Variants in MGAT4D observed in about 807,000 individuals in gnomAD.
MGAT4D encodes the protein MGAT4 family member D, also known as alpha-1,3-mannosyl-glycoprotein 4-beta-N-acetylglucosaminyltransferase-like protein MGAT4D.
Under a neutral mutation model 15.9 loss-of-function variants are expected in MGAT4D, and 34 were observed. The ratio of observed to expected loss-of-function variants is 2.14; its 90% CI spans 1.62 to 2.84. MGAT4D has a LOEUF of 2.84. Ranked by LOEUF, MGAT4D falls within the 30% of genes most tolerant of loss-of-function variation. The pLI is 0.00. For missense variants in MGAT4D, 327 were observed against 140.2 expected, an observed-to-expected ratio of 2.33 and a Z score of -6.73; for synonymous variants, 112 against 48.2, an observed-to-expected ratio of 2.33 and a Z score of -5.49.
rs956930185 is a variant in MGAT4D, at chr4:140,442,358, G to T, written c.*1078C>A. ...GGCACTCAAGAATAAGGCAACAATG[G>T]GAAATGAAGAATTTCACAATATTTG... On this transcript the variant is annotated 3_prime_UTR_variant, in exon 11 of 11. Coordinates refer to ENST00000511113, the MANE Select transcript of MGAT4D (RefSeq NM_001277353.2). 6.6e-6 allele frequency: 1 copy of T among 151,830 alleles called. No homozygotes were observed. The highest frequency in any genetic ancestry group is 2.1e-4 in the South Asian group (1 of 4,792). 9.4% of individuals were successfully genotyped at this position (151,830 alleles called of 1,614,324 possible).
chr4:140,468,204 T>G (rs1285451882), intron 5 of MGAT4D, among the ~76,000 whole-genome samples: 3 of 152,156 alleles, frequency 2.0e-5, no homozygotes, highest in Admixed American at 1.3e-4. Flanking sequence ...TTATCCTGCA[T>G]TGGTATTATC....
At chr4:140,456,278 C>T (rs1730793060) in intron 9 of MGAT4D, among the ~76,000 whole-genome samples, 1 of 152,118 alleles carries the variant, frequency 6.6e-6, no homozygotes, top group Non-Finnish European at 1.5e-5. Flanking sequence ...AAAATCTACC[C>T]TGATGAACTC....
chr4:140,459,611 T>C lies in MGAT4D; in HGVS notation c.778A>G (p.Ile260Val). 4.2e-6 allele frequency: 2 copies of C among 481,238 alleles called. No individual in the cohort carries two copies. The highest frequency in any genetic ancestry group is 7.4e-6 in the Non-Finnish European group (2 of 271,668). 29.8% of individuals were successfully genotyped at this position (481,238 alleles called of 1,614,324 possible). ...TTTGTAAAGTACATCTCTTTAGCTA[T>C]GATATCATCTTCTAGCTGAAAAAAA... ...KYYLQLEDDI[I>V]AKEMYFTKIT... The change falls in exon 8 of 11, where the codon ATA becomes GTA. Residue 260 changes from isoleucine to valine, a missense_variant. Ile to Val is a conservative substitution (Grantham distance 29, BLOSUM62 3). Transcript: ENST00000511113.
At chr4:140,469,517 G>A (rs543379553) in intron 5 of MGAT4D, among the ~76,000 whole-genome samples, 1 of 152,186 alleles carries the variant, frequency 6.6e-6, no homozygotes, top group African/African-American at 2.4e-5. Flanking sequence ...ACCCAAATAA[G>A]GTCGCTCATT....
At chr4:140,443,752 A>G (rs1053822447) in intron 10 of MGAT4D, among the ~76,000 whole-genome samples, 10 of 152,146 alleles carry the variant, frequency 6.6e-5, no homozygotes, top group Admixed American at 2.0e-4. Flanking sequence ...ATTGTAGGTA[A>G]TATATAAATA....
At chr4:140,476,974 A>G (rs1732378929) in intron 3 of MGAT4D, among the ~76,000 whole-genome samples, 2 of 152,178 alleles carry the variant, frequency 1.3e-5, no homozygotes. Flanking sequence ...AGACTGATAC[A>G]TGGTAATGAT....
chr4:140,457,519 T>C (rs1730887927), intron 8 of MGAT4D: 1 of 152,172 alleles, frequency 6.6e-6, no homozygotes, highest in Non-Finnish European at 1.5e-5. Context: ...ATGTATAAAA[T>C]AGCTGATTCA....
Position 140,491,910 on chromosome 4 carries a change from G to T in MGAT4D, c.94+6219C>A, listed in dbSNP as rs533515368. The stretch of plus-strand genomic sequence containing the variant: ...GGGAAGCACAAGAAAGGAGGAGGGG[G>T]GTGCAGCAGACTGTTTCTCCAAAGA... On this transcript the variant is annotated intron_variant, in intron 1 of 10. Transcript: ENST00000511113. Among the ~76,000 whole-genome samples the T allele has an allele frequency of 5.3e-5, 8 of 152,240 alleles. No homozygotes were observed. The South Asian group carries it at 1.7e-3, about 32-fold the overall frequency.
At chr4:140,468,063 A>G (rs1731660510) in intron 5 of MGAT4D, among the ~76,000 whole-genome samples, 1 of 151,700 alleles carries the variant, frequency 6.6e-6, no homozygotes. Context: ...CTATTAAATT[A>G]TTCTATTATA....
chr4:140,471,147 C>T (rs1366426529), intron 5 of MGAT4D, among the ~76,000 whole-genome samples: 8 of 152,158 alleles, frequency 5.3e-5, no homozygotes, highest in Admixed American at 5.2e-4. Context: ...CCACCTTGGC[C>T]TCTCAAAGTA....
intron 9 of MGAT4D, among the ~76,000 whole-genome samples, chr4:140,455,875 G>A (rs572959377): frequency 6.6e-6 from 1 of 152,190 alleles, no homozygotes; most frequent in Non-Finnish European, 1.5e-5. Context: ...TGTGGCTTAT[G>A]CCTGTAATCT....
At chr4:140,492,129 A>G (rs895975485) in intron 1 of MGAT4D, among the ~76,000 whole-genome samples, 26 of 152,278 alleles carry the variant, frequency 1.7e-4, no homozygotes, top group Non-Finnish European at 4.4e-5. Flanking sequence ...CCTGCCTTTT[A>G]AAAGGTAGTT....
intron 5 of MGAT4D, among the ~76,000 whole-genome samples, chr4:140,468,799 C>T (rs747647644): frequency 6.6e-6 from 1 of 152,116 alleles, no homozygotes; most frequent in Non-Finnish European, 1.5e-5. Flanking sequence ...TCCTTCACTG[C>T]CAATGAATCC....
chr4:140,457,590 A>G (rs1730893465), intron 8 of MGAT4D: 2 of 152,180 alleles, frequency 1.3e-5, no homozygotes, highest in African/African-American at 4.8e-5. Context: ...ATTTTTAGCA[A>G]ATAATGAATA....
At chr4:140,493,434 T>G (rs754838979) in intron 1 of MGAT4D, among the ~76,000 whole-genome samples, 2 of 151,876 alleles carry the variant, frequency 1.3e-5, no homozygotes, top group Non-Finnish European at 2.9e-5. Context: ...TAGCTGGGAC[T>G]ACAGTCGCCC....
intron 1 of MGAT4D, among the ~76,000 whole-genome samples, chr4:140,491,455 T>G (rs1183906318): frequency 6.6e-6 from 1 of 151,908 alleles, no homozygotes; most frequent in Non-Finnish European, 1.5e-5. Context: ...CTACCAAAAT[T>G]CTCATGCTGC....
chr4:140,476,092 A>T (rs1732312556), intron 3 of MGAT4D, among the ~76,000 whole-genome samples: 1 of 152,108 alleles, frequency 6.6e-6, no homozygotes, highest in Admixed American at 6.6e-5. Flanking sequence ...GATTACAGGC[A>T]TGTGCCACTG....
At chr4:140,472,590 T>A (rs1443418625) in intron 4 of MGAT4D, among the ~76,000 whole-genome samples, 1 of 152,218 alleles carries the variant, frequency 6.6e-6, no homozygotes, top group Non-Finnish European at 1.5e-5. Flanking sequence ...AAATCTCTTA[T>A]AGTACTGGAG....
At chr4:140,452,206 C>G (rs929413363) in intron 9 of MGAT4D, among the ~76,000 whole-genome samples, 5 of 151,540 alleles carry the variant, frequency 3.3e-5, no homozygotes, top group African/African-American at 1.2e-4. Flanking sequence ...CAATAAAAAC[C>G]CCACAAACAT....
Sources: allele counts gnomAD v4.1 joint callset (sites outside exome capture counted in the v4.1 genomes callset), GRCh38; gene constraint gnomAD v4.1.1; transcripts MANE v1.5; gene names NCBI Gene and HGNC (gene_info 2026-07-23, HGNC 2026-07-21).